PCBP3: variants seen among roughly 807,000 people sequenced by gnomAD.
PCBP3 encodes poly(rC) binding protein 3, also known as poly(rC)-binding protein 3.
A neutral mutation model predicts 52.7 loss-of-function variants in PCBP3; 25 were observed. That is an observed-to-expected ratio of 0.47 (90% CI 0.35 to 0.66). The LOEUF (loss-of-function observed/expected upper bound fraction) is 0.66, where lower values mean the gene tolerates loss of function less well. Among genes scored for constraint, PCBP3 ranks in the 30% least tolerant of loss-of-function variants. PCBP3 has a pLI of 0.01. For missense variants in PCBP3, 391 were observed against 490.3 expected, an observed-to-expected ratio of 0.80 and a Z score of 1.91; for synonymous variants, 162 against 183.0, an observed-to-expected ratio of 0.89 and a Z score of 0.93.
At chr21:45,646,105 C>CTGTGTGTGTGTGTGTGTG (rs1342511407) in intron 1 of PCBP3, among the ~76,000 whole-genome samples, 9 of 92,972 alleles carry the variant, frequency 9.7e-5, no homozygotes, top group East Asian at 3.1e-4. Context: ...CTCTCTCTCT[C>CTGTGTGTGTGTGTGTGTG]TCTGTGTGTG....
intron 2 of PCBP3, among the ~76,000 whole-genome samples, chr21:45,731,630 A>G (rs369151627): frequency 8.5e-5 from 13 of 152,226 alleles, no homozygotes; most frequent in Non-Finnish European, 1.9e-4. Flanking sequence ...TTTACAGTAT[A>G]TGCCTGAAAA....
intron 4 of PCBP3, among the ~76,000 whole-genome samples, chr21:45,789,834 T>C (rs1249080054): frequency 6.6e-6 from 1 of 152,078 alleles, no homozygotes; most frequent in Non-Finnish European, 1.5e-5. Context: ...ATCGCTCTGG[T>C]GTCTGGGTAG....
At chr21:45,924,677 G>A (rs372274605) in intron 13 of PCBP3, among the ~76,000 whole-genome samples, 870 of 11,342 alleles carry the variant, frequency 0.077, no homozygotes, top group Middle Eastern at 0.12. Context: ...TCGGGTGTGC[G>A]TGAGGAGATG....
Position 45,736,959 on chromosome 21 carries a change from G to A in PCBP3, c.-162+1530G>A, listed in dbSNP as rs2085918103. 1.3e-5 allele frequency among the ~76,000 whole-genome samples: 2 copies of A among 152,118 alleles called. No homozygotes were observed. The highest frequency in any genetic ancestry group is 2.1e-4 in the South Asian group (1 of 4,830). ...GGCCGTCAGGTCAGCCCTGAGACAC[G>A]GGGCATCTGCGCGAGTCTTGCTGGA... On this transcript the variant is annotated intron_variant, in intron 3 of 17. Coordinates refer to ENST00000681687, the MANE Select transcript of PCBP3 (RefSeq NM_001384156.1). The surrounding 1 kb of genome is among the most constrained non-coding windows in gnomAD (Gnocchi z 4.6).
At chr21:45,907,054 C>A (rs553595400) in intron 9 of PCBP3, among the ~76,000 whole-genome samples, 1 of 152,242 alleles carries the variant, frequency 6.6e-6, no homozygotes, top group Admixed American at 6.5e-5. Flanking sequence ...GAAGGCCAGG[C>A]GGAGGCCGGC....
chr21:45,762,491 C>CTTTTTTTTTTTTTTTTTTTTTTTTTTTT (rs374275789), intron 4 of PCBP3: 3 of 104,666 alleles, frequency 2.9e-5, no homozygotes, highest in Admixed American at 1.1e-4. Context: ...CTTTTCTTCT[C>CTTTTTTTTTTTTTTTTTTTTTTTTTTTT]TTTTTTTTTT....
intron 4 of PCBP3, chr21:45,760,423 T>C (rs2088522637): frequency 1.3e-5 from 2 of 152,186 alleles, no homozygotes; most frequent in Non-Finnish European, 2.9e-5. Flanking sequence ...GAAGGCATTA[T>C]AAACAAAGTT....
intron 9 of PCBP3, among the ~76,000 whole-genome samples, chr21:45,901,872 A>G (rs564886422): frequency 7.9e-5 from 12 of 152,310 alleles, no homozygotes; most frequent in Admixed American, 7.8e-4. Flanking sequence ...GAAGTTAGAG[A>G]TGCATTTAGT....
At chr21:45,833,495 T>C (rs966600376) in intron 4 of PCBP3, among the ~76,000 whole-genome samples, 13 of 152,234 alleles carry the variant, frequency 8.5e-5, no homozygotes, top group Non-Finnish European at 1.8e-4. Context: ...CCTGGCAGCT[T>C]ATTCACAAAG....
chr21:45,747,797 G>A (rs1330833891), intron 3 of PCBP3, among the ~76,000 whole-genome samples: 1 of 152,204 alleles, frequency 6.6e-6, no homozygotes, highest in Non-Finnish European at 1.5e-5. Context: ...TGGGCCCAGC[G>A]GAGGTCTCAT....
intron 4 of PCBP3, among the ~76,000 whole-genome samples, chr21:45,809,131 A>G (rs555034207): frequency 1.3e-5 from 2 of 152,218 alleles, no homozygotes; most frequent in Non-Finnish European, 2.9e-5. Context: ...TGGCATGTGT[A>G]TACCTGTGTA....
At chr21:45,914,094 C>T (rs775293334) in intron 12 of PCBP3, 69 bp downstream of exon 12, 20 of 1,609,850 alleles carry the variant, frequency 1.2e-5, no homozygotes, top group Middle Eastern at 1.7e-4. Flanking sequence ...CGCCGCTGCC[C>T]GTTAGTGCAC....
chr21:45,940,196 C>T lies in PCBP3; in HGVS notation c.1076C>T (p.Ala359Val), dbSNP rs757754803. 65 of 1,611,270 alleles carry T rather than the reference C, an allele frequency of 4.0e-5. No homozygotes were observed. The highest frequency in any genetic ancestry group is 5.4e-5 in the Non-Finnish European group (64 of 1,178,180). ...AGCCTTGCCCAGTATCTCATCAACG[C>T]CAGGTGAGCATCTCCCAAGGGTCTC... ...NISLAQYLIN[A>V]RLTSEVTGMG... Residue 359 changes from alanine (A) to valine (V), a missense_variant, in exon 17 of 18, where the codon GCC (alanine) becomes GTC (valine). By Grantham distance (64) the Ala-to-Val change is moderately conservative. Coordinates refer to ENST00000681687, the MANE Select transcript of PCBP3 (RefSeq NM_001384156.1).
chr21:45,769,470 C>T (rs2089670064), intron 4 of PCBP3, among the ~76,000 whole-genome samples: 1 of 152,264 alleles, frequency 6.6e-6, no homozygotes, highest in Non-Finnish European at 1.5e-5. Flanking sequence ...GGAGCACCTG[C>T]GTCTCTGAAA....
At chr21:45,725,883 G>T (rs2084995929) in intron 2 of PCBP3, among the ~76,000 whole-genome samples, 1 of 151,932 alleles carries the variant, frequency 6.6e-6, no homozygotes, top group Admixed American at 6.6e-5. Context: ...GTGGGGGGCA[G>T]CTGGGGTGAG....
intron 13 of PCBP3, among the ~76,000 whole-genome samples, chr21:45,926,374 A>G (rs73910211): frequency 0.015 from 2,316 of 152,294 alleles, 58 homozygotes; most frequent in African/African-American, 0.052. Context: ...GTGTATTACT[A>G]TGCTTTTTAT....
chr21:45,867,116 C>T, intron 5 of PCBP3, among the ~76,000 whole-genome samples: 1 of 152,228 alleles, frequency 6.6e-6, no homozygotes, highest in South Asian at 2.1e-4. Context: ...AACGCCACAG[C>T]AGCCATAGAA....
chr21:45,644,616 T>C (rs2079138057), intron 1 of PCBP3, among the ~76,000 whole-genome samples: 1 of 152,132 alleles, frequency 6.6e-6, no homozygotes, highest in African/African-American at 2.4e-5. Context: ...GTCCTAAATC[T>C]CGTGGCTCGG....
intron 4 of PCBP3, among the ~76,000 whole-genome samples, chr21:45,809,823 C>G (rs1346218278): frequency 6.6e-6 from 1 of 152,224 alleles, no homozygotes; most frequent in African/African-American, 2.4e-5. Flanking sequence ...GGCTTCTGCT[C>G]TCTGGTGTAC....
Sources: gnomAD v4.1 joint callset for allele counts (sites outside exome capture counted in the v4.1 genomes callset) on GRCh38, gnomAD v4.1.1 for gene constraint, Gnocchi (gnomAD v3.1) non-coding constraint, MANE v1.5 for transcripts, NCBI Gene and HGNC (gene_info 2026-07-23, HGNC 2026-07-21) for gene names.